Variants in SPATS2L observed in about 807,000 individuals in gnomAD.
SPATS2L encodes SPATS2-like protein.
Under a neutral mutation model 59.6 loss-of-function variants are expected in SPATS2L, and 30 were observed. The observed-to-expected ratio is 0.50, with a 90% confidence interval of 0.38 to 0.68. The LOEUF is 0.68. SPATS2L is among the 30% of genes least tolerant of loss of function. SPATS2L has a pLI of 0.00. For missense variants in SPATS2L, 615 were observed against 700.0 expected (o/e 0.88, Z 1.37); for synonymous variants, 252 against 263.5 (o/e 0.96, Z 0.42).
chr2:200,458,173 G>C (rs1282309017), intron 8 of SPATS2L, among the ~76,000 whole-genome samples: 1 of 152,122 alleles, frequency 6.6e-6, no homozygotes, highest in Non-Finnish European at 1.5e-5. Flanking sequence ...CCAAATCATT[G>C]ATAAAGTTTC....
At chr2:200,406,191 G>A (rs1400245590) in intron 3 of SPATS2L, among the ~76,000 whole-genome samples, 1 of 152,182 alleles carries the variant, frequency 6.6e-6, no homozygotes, top group African/African-American at 2.4e-5. Context: ...CAATGTCAAT[G>A]CTGGAAGAAG....
chr2:200,408,613 T>A (rs2082768657), intron 3 of SPATS2L, among the ~76,000 whole-genome samples: 1 of 152,188 alleles, frequency 6.6e-6, no homozygotes, highest in Admixed American at 6.5e-5. Flanking sequence ...GCTCAAAAGA[T>A]GCACAGTATG....
intron 1 of SPATS2L, chr2:200,309,060 T>C (rs531889642): frequency 1.4e-6 from 1 of 718,024 alleles, no homozygotes; most frequent in East Asian, 2.7e-5. Context: ...TGCATGCCAG[T>C]CTGAAGCATT....
intron 1 of SPATS2L, 78 bp downstream of exon 1, chr2:200,307,000 G>A (rs2079038245): frequency 1.0e-6 from 1 of 978,516 alleles, no homozygotes; most frequent in Non-Finnish European, 1.2e-6. Flanking sequence ...CTGCGCGGCC[G>A]GGACGGAGAC....
At chr2:200,414,588 C>G (rs1431121380) in intron 4 of SPATS2L, among the ~76,000 whole-genome samples, 2 of 151,740 alleles carry the variant, frequency 1.3e-5, no homozygotes, top group South Asian at 4.2e-4. Context: ...CATGTTTGCA[C>G]CACTGCACTC....
intron 9 of SPATS2L, among the ~76,000 whole-genome samples, chr2:200,462,437 C>T (rs13431185): frequency 0.019 from 2,922 of 152,284 alleles, 77 homozygotes; most frequent in African/African-American, 0.066. Flanking sequence ...GCTGAAACTG[C>T]TAGATTGGTT....
chr2:200,425,130 C>G (rs996643151), intron 6 of SPATS2L, among the ~76,000 whole-genome samples: 1 of 1,650 alleles, frequency 6.1e-4, no homozygotes, highest in Non-Finnish European at 1.5e-3. Context: ...TTCCCCCCGC[C>G]CCCCCCCCCC....
At chr2:200,328,742 G>A in intron 1 of SPATS2L, among the ~76,000 whole-genome samples, 1 of 152,148 alleles carries the variant, frequency 6.6e-6, no homozygotes, top group African/African-American at 2.4e-5. Flanking sequence ...TGAAGTGATG[G>A]GTGACCGAGT....
chr2:200,396,255 G>A (rs927224855), intron 3 of SPATS2L, among the ~76,000 whole-genome samples: 10 of 151,470 alleles, frequency 6.6e-5, no homozygotes, highest in Middle Eastern at 3.2e-3. Flanking sequence ...GCTGAGCTGC[G>A]CCACTCACTG....
chr2:200,310,814 A>G (rs1351171724), intron 1 of SPATS2L, among the ~76,000 whole-genome samples: 1 of 152,064 alleles, frequency 6.6e-6, no homozygotes, highest in African/African-American at 2.4e-5. Flanking sequence ...TTTTTTGTTC[A>G]TGCCCTGCCT....
In SPATS2L at chr2:200,419,192, A is replaced by T; in HGVS notation, c.199-58A>T. ...TATCTTATTTTCATCTCTCAGATTC[A>T]CCTTATATTTCAAGAGTCTGAGTTG... is the stretch of plus-strand genomic sequence containing the variant. On this transcript the variant is annotated intron_variant, in intron 5 of 12. Coordinates refer to ENST00000409140, the MANE Select transcript of SPATS2L (RefSeq NM_001100423.2). 9.5e-6 allele frequency: 14 copies of T among 1,472,402 alleles called. No homozygotes were observed. The South Asian group carries it at 1.9e-4, about 20-fold the overall frequency. The allele number at this position is 1,472,402 out of a possible 1,614,324, so 91.2% of individuals were successfully genotyped here. A position where few individuals can be genotyped will look rare whatever the true frequency, so the allele number is the denominator to read the frequency against.
At chr2:200,333,915 G>C (rs957534386) in intron 2 of SPATS2L, among the ~76,000 whole-genome samples, 9 of 152,072 alleles carry the variant, frequency 5.9e-5, no homozygotes, top group African/African-American at 1.9e-4. Context: ...TTGGACATTT[G>C]GGTTGGTTCC....
chr2:200,419,300 T>C lies in SPATS2L; in HGVS notation c.249T>C (p.Asp83=). Reference sequence around the variant, plus strand: ...CCAAGCAGCATCAAGGCAACAAAGATGCTAAAGACAAGGTGGAGAGGCCTG... The same window carrying C: ...CCAAGCAGCATCAAGGCAACAAAGACGCTAAAGACAAGGTGGAGAGGCCTG... ...SKSKQHQGNK[D]AKDKVERPEA... The change falls in exon 6 of 13, where the codon GAT becomes GAC. Residue 83 remains aspartate, a synonymous_variant. Coordinates refer to ENST00000409140, the MANE Select transcript of SPATS2L (RefSeq NM_001100423.2). 6.2e-7 allele frequency: 1 copy of C among 1,601,328 alleles called. No individual in the cohort carries two copies. Among genetic ancestry groups the C allele is most frequent in the Non-Finnish European group, 8.5e-7 (1 of 1,173,524 alleles).
At chr2:200,318,757 A>G (rs1365890921) in intron 1 of SPATS2L, among the ~76,000 whole-genome samples, 1 of 152,254 alleles carries the variant, frequency 6.6e-6, no homozygotes, top group Non-Finnish European at 1.5e-5. Context: ...TTACACGTGT[A>G]GAAAGCAGAC....
At chr2:200,427,548 TTAA>T (rs1379031322) in intron 6 of SPATS2L, among the ~76,000 whole-genome samples, 1 of 149,926 alleles carries the variant, frequency 6.7e-6, no homozygotes, top group African/African-American at 2.4e-5. Flanking sequence ...TATTAAGGTA[TTAA>T]TGACATATAA....
intron 7 of SPATS2L, among the ~76,000 whole-genome samples, chr2:200,440,298 C>G (rs2084606758): frequency 1.3e-5 from 2 of 152,214 alleles, no homozygotes; most frequent in African/African-American, 4.8e-5. Context: ...TTTAACCACG[C>G]AAAGTGGTGT....
At chr2:200,337,906 A>G in intron 2 of SPATS2L, among the ~76,000 whole-genome samples, 1 of 152,244 alleles carries the variant, frequency 6.6e-6, no homozygotes, top group Non-Finnish European at 1.5e-5. Flanking sequence ...CCACTGCCTA[A>G]TACATAAGAC....
intron 4 of SPATS2L, among the ~76,000 whole-genome samples, chr2:200,413,506 C>G (rs888010110): frequency 1.3e-5 from 2 of 152,162 alleles, no homozygotes; most frequent in African/African-American, 4.8e-5. Context: ...TCTTACTTGT[C>G]CTCAGTTATC....
intron 8 of SPATS2L, among the ~76,000 whole-genome samples, chr2:200,445,184 G>A (rs565792939): frequency 2.6e-5 from 4 of 151,970 alleles, no homozygotes; most frequent in African/African-American, 9.7e-5. Flanking sequence ...GTGATGGTTC[G>A]TCTGTAGTTC....
Sources: allele counts gnomAD v4.1 joint callset (sites outside exome capture counted in the v4.1 genomes callset), GRCh38; gene constraint gnomAD v4.1.1; transcripts MANE v1.5; gene names NCBI Gene and HGNC (gene_info 2026-07-23, HGNC 2026-07-21).